The following MBNL2 variants were observed in gnomAD, a reference collection of about 807,000 sequenced individuals.
MBNL2 encodes muscleblind-like protein 2.
MBNL2 carries 17 observed loss-of-function variants against 41.9 expected under a neutral mutation model. That is an observed-to-expected ratio of 0.41 (90% CI 0.28 to 0.61). The LOEUF is 0.61. Ranked by LOEUF, MBNL2 falls within the 20% of genes least tolerant of loss-of-function variation. MBNL2 has a pLI of 0.35. For synonymous variants in MBNL2, 195 were observed against 182.9 expected, an observed-to-expected ratio of 1.07 and a Z score of -0.53; for missense variants, 336 against 505.6, an observed-to-expected ratio of 0.66 and a Z score of 3.22.
intron 2 of MBNL2, among the ~76,000 whole-genome samples, chr13:97,285,048 T>C (rs1242746439): frequency 6.6e-6 from 1 of 152,240 alleles, no homozygotes; most frequent in Non-Finnish European, 1.5e-5. Flanking sequence ...TGTTACAGGA[T>C]TTGTGTAATA....
At chr13:97,294,198 C>G (rs1463892801) in intron 2 of MBNL2, among the ~76,000 whole-genome samples, 2 of 152,118 alleles carry the variant, frequency 1.3e-5, no homozygotes, top group Non-Finnish European at 2.9e-5. Flanking sequence ...GCTTCTGTAT[C>G]TACCTTCCTT....
At chr13:97,264,451 C>A (rs1266942227) in intron 1 of MBNL2, among the ~76,000 whole-genome samples, 2 of 150,770 alleles carry the variant, frequency 1.3e-5, no homozygotes, top group Non-Finnish European at 2.9e-5. Flanking sequence ...TACAGTGCTG[C>A]AAACAAACAG....
chr13:97,301,380 G>T (rs113358157), intron 2 of MBNL2, among the ~76,000 whole-genome samples: 7 of 152,282 alleles, frequency 4.6e-5, no homozygotes, highest in African/African-American at 1.4e-4. Flanking sequence ...AGAAGAGGTG[G>T]GATGTATGTT....
At chr13:97,273,888 C>A (rs1489796667) in intron 1 of MBNL2, among the ~76,000 whole-genome samples, 2 of 151,624 alleles carry the variant, frequency 1.3e-5, no homozygotes, top group Non-Finnish European at 2.9e-5. Flanking sequence ...TGGTGAAACC[C>A]CACCTCTACT....
At chr13:97,158,248 T>A in the MBNL2 span, among the ~76,000 whole-genome samples, 1 of 151,462 alleles carries the variant, frequency 6.6e-6, no homozygotes, top group Non-Finnish European at 1.5e-5. Context: ...GATATCTCCT[T>A]TATCATTTTT....
At chr13:97,215,084 A>T in the MBNL2 span, among the ~76,000 whole-genome samples, 2 of 152,216 alleles carry the variant, frequency 1.3e-5, no homozygotes, top group Non-Finnish European at 2.9e-5. Context: ...CCCCATCTCC[A>T]ACGCTTGGAG....
chr13:97,157,606 G>C, the MBNL2 span, among the ~76,000 whole-genome samples: 9 of 149,312 alleles, frequency 6.0e-5, no homozygotes, highest in Non-Finnish European at 1.2e-4. Flanking sequence ...TAGCATGAAG[G>C]GTTGTTGAAT....
At chr13:97,299,582 G>C (rs1164121892) in intron 2 of MBNL2, among the ~76,000 whole-genome samples, 3 of 151,968 alleles carry the variant, frequency 2.0e-5, no homozygotes, top group Non-Finnish European at 4.4e-5. Context: ...TTAACACTTG[G>C]TTACATGAAC....
At chr13:97,216,567 C>T (rs974360072), upstream of MBNL2, among the ~76,000 whole-genome samples, 2 of 152,144 alleles carry the variant, frequency 1.3e-5, no homozygotes, top group Non-Finnish European at 2.9e-5. Context: ...ACAACTTTTT[C>T]TTCCTTTCTA....
At chr13:97,316,653 C>T (rs2059083169) in intron 2 of MBNL2, among the ~76,000 whole-genome samples, 1 of 152,146 alleles carries the variant, frequency 6.6e-6, no homozygotes, top group African/African-American at 2.4e-5. Context: ...CATCTGGATA[C>T]AGGCAGGACA....
rs962293731 is a variant in MBNL2 at position 97,334,169 on chromosome 13, C to CACACAG, written c.175-102_175-101insGACACA. ...ACACCCACACACACACACACACACA[C>CACACAG]ACACACAGGATCCTTGCTTTTGTGC... On this transcript the variant is annotated intron_variant, in intron 2 of 8. Coordinates refer to ENST00000679496, the MANE Select transcript of MBNL2 (RefSeq NM_001382683.1). This position sits in a 1 kb window ranked among gnomAD's most constrained non-coding sequence, Gnocchi z 5.3. 1.4e-5 allele frequency: 12 copies of CACACAG among 834,510 alleles called. No individual in the cohort carries two copies. The Admixed American group carries it at 3.0e-4, about 21-fold the overall frequency. 51.7% of individuals were successfully genotyped at this position (834,510 alleles called of 1,614,324 possible). A position where few individuals can be genotyped will look rare whatever the true frequency, so the allele number is the denominator to read the frequency against.
At chr13:97,215,731 A>C in the MBNL2 span, among the ~76,000 whole-genome samples, 2 of 152,254 alleles carry the variant, frequency 1.3e-5, no homozygotes, top group Non-Finnish European at 2.9e-5. Context: ...GCTATTTAAT[A>C]AATGGAACAA....
intron 1 of MBNL2, among the ~76,000 whole-genome samples, chr13:97,238,217 T>C (rs557573935): frequency 6.6e-6 from 1 of 152,286 alleles, no homozygotes; most frequent in South Asian, 2.1e-4. Flanking sequence ...TTTGAAATCA[T>C]AGAGGAATTG....
intron 2 of MBNL2, among the ~76,000 whole-genome samples, chr13:97,294,779 A>C (rs2056766024): frequency 6.6e-6 from 1 of 152,216 alleles, no homozygotes; most frequent in African/African-American, 2.4e-5. Context: ...TTTGTCATAA[A>C]ATGTTCAAAT....
chr13:97,154,347 C>A, the MBNL2 span, among the ~76,000 whole-genome samples: 1 of 152,072 alleles, frequency 6.6e-6, no homozygotes, highest in Non-Finnish European at 1.5e-5. Flanking sequence ...CAGAGTCTTG[C>A]TCTTTTTCCC....
the MBNL2 span, among the ~76,000 whole-genome samples, chr13:97,149,071 A>ACTGTGG: frequency 6.6e-6 from 1 of 152,226 alleles, no homozygotes; most frequent in Non-Finnish European, 1.5e-5. Context: ...GCCAAGATCC[A>ACTGTGG]CTGTGGCTGT....
chr13:97,306,920 G>A (rs944073754), intron 2 of MBNL2, among the ~76,000 whole-genome samples: 1 of 152,168 alleles, frequency 6.6e-6, no homozygotes, highest in Non-Finnish European at 1.5e-5. Flanking sequence ...TTCTCAAAAG[G>A]ATTTCAGGAA....
intron 1 of MBNL2, among the ~76,000 whole-genome samples, chr13:97,230,969 T>C (rs969192131): frequency 2.6e-5 from 4 of 152,246 alleles, no homozygotes; most frequent in Non-Finnish European, 4.4e-5. Context: ...TAAAAACCAA[T>C]AATTATCAAT....
chr13:97,357,657 C>G (rs372237643), intron 7 of MBNL2, 22 bp downstream of exon 7: 1 of 1,610,916 alleles, frequency 6.2e-7, no homozygotes, highest in Non-Finnish European at 8.5e-7. Flanking sequence ...TACTGCCCTA[C>G]GTCCTGTGCC....
Sources: allele counts gnomAD v4.1 joint callset (sites outside exome capture counted in the v4.1 genomes callset), GRCh38; gene constraint gnomAD v4.1.1; non-coding constraint Gnocchi (gnomAD v3.1); transcripts MANE v1.5; gene names NCBI Gene and HGNC (gene_info 2026-07-23, HGNC 2026-07-21).